Variants in CLSPN observed in about 807,000 individuals in gnomAD.
CLSPN encodes claspin, also known as claspin homolog.
CLSPN carries 85 observed loss-of-function variants against 156.3 expected under a neutral mutation model. The ratio of observed to expected loss-of-function variants is 0.54; its 90% CI spans 0.46 to 0.65. The LOEUF (loss-of-function observed/expected upper bound fraction) is 0.65. CLSPN is among the 30% of genes least tolerant of loss of function. The pLI, the probability that CLSPN is intolerant of heterozygous loss-of-function variation, is 0.00. For missense variants in CLSPN, 1,407 were observed against 1,554.9 expected (o/e 0.90, Z 1.60); for synonymous variants, 534 against 542.4 (o/e 0.98, Z 0.22).
chr1:35,729,764 G>GCT (rs1336673857), downstream of CLSPN, among the ~76,000 whole-genome samples: 6 of 152,186 alleles, frequency 3.9e-5, 1 homozygote, highest in African/African-American at 1.4e-4. Flanking sequence ...TTCCCACTCA[G>GCT]CTCTACCCAT....
chr1:35,751,573 C>T, intron 9 of CLSPN, 67 bp from the exon 10 acceptor site: 1 of 1,530,358 alleles, frequency 6.5e-7, no homozygotes, highest in Non-Finnish European at 8.7e-7. Flanking sequence ...TTAGGCAACT[C>T]CAGAAATATT....
At chr1:35,741,393 A>G (rs532956368) in intron 18 of CLSPN, among the ~76,000 whole-genome samples, 1 of 152,222 alleles carries the variant, frequency 6.6e-6, no homozygotes, top group African/African-American at 2.4e-5. Flanking sequence ...ATCTCAGCTC[A>G]CTGCACCCTC....
intron 8 of CLSPN, among the ~76,000 whole-genome samples, chr1:35,757,856 G>A (rs532570102): frequency 1.3e-5 from 2 of 152,162 alleles, no homozygotes; most frequent in Non-Finnish European, 2.9e-5. Flanking sequence ...ACCATGCAGA[G>A]TTCTTTCTGT....
intron 18 of CLSPN, among the ~76,000 whole-genome samples, chr1:35,742,571 G>T (rs1325294542): frequency 1.3e-5 from 2 of 151,778 alleles, no homozygotes; most frequent in African/African-American, 4.8e-5. Flanking sequence ...AGTAGAGAGG[G>T]TTTCACCATG....
rs534927658 is a variant in CLSPN, at chr1:35,746,954, G to T, written c.2666C>A (p.Ala889Asp). The T allele has an allele frequency of 3.7e-5, 60 of 1,614,120 alleles. No homozygotes were observed. In the Middle Eastern group the frequency reaches 8.2e-4, roughly 22 times the overall value. ...NVRNHRNQYQ[A>D]LKPRLPLASM... ...GGCCAATGGCAATCGAGGCTTCAAA[G>T]CTTGGTACTGATTCCTGTGGTTTCT... The change falls in exon 15 of 25, where the codon GCT becomes GAT. Residue 889 changes from alanine to aspartate, a missense_variant. By Grantham distance (126) the Ala-to-Asp change is moderately radical (BLOSUM62 -2). This residue lies in a region of CLSPN where 1,096 missense variants were observed against 1,193.0 expected (regional missense o/e 0.92). Transcript: ENST00000318121. The surrounding 1 kb of genome is among the most constrained non-coding windows in gnomAD (Gnocchi z 4.2).
At chr1:35,745,097 T>C (rs1250222985) in intron 16 of CLSPN, among the ~76,000 whole-genome samples, 1 of 152,188 alleles carries the variant, frequency 6.6e-6, no homozygotes, top group East Asian at 1.9e-4. Flanking sequence ...GGAGCCATCA[T>C]ACTTTCCCTG....
In CLSPN at chr1:35,753,700, A is replaced by G. The variant is rs560435478; in HGVS notation, c.1771+45T>C. On this transcript the variant is annotated intron_variant, in intron 9 of 24. Coordinates refer to ENST00000318121, the MANE Select transcript of CLSPN (RefSeq NM_022111.4). The stretch of plus-strand genomic sequence containing the variant: ...TTCAATAGCCTTGAAGATCTGTTAG[A>G]ATACAAAGCAAAAAGCAAAAAACAA... 745 of 1,556,304 alleles carry G rather than the reference A, an allele frequency of 4.8e-4. 8 individuals carry two copies. The South Asian group carries it at 7.2e-3, about 15-fold the overall frequency.
chr1:35,748,018 G>T lies in CLSPN; in HGVS notation c.2516C>A (p.Ser839Tyr), dbSNP rs1460510381. 3 of 1,614,160 alleles carry T rather than the reference G, an allele frequency of 1.9e-6. No individual in the cohort carries two copies. Among genetic ancestry groups the T allele is most frequent in the Non-Finnish European group, 2.5e-6 (3 of 1,180,024 alleles). The change falls in exon 14 of 25, where the codon TCC (serine) becomes TAC (tyrosine). Residue 839 changes from serine to tyrosine, a missense_variant. Coordinates refer to ENST00000318121, the MANE Select transcript of CLSPN (RefSeq NM_022111.4). The stretch of plus-strand genomic sequence containing the variant: ...TGGGGAGGCGTTATACAGATCCTGG[G>T]AATCCTCTATGGGAAGTGAAGGCTC... Reference protein sequence around the residue: ...LSEPSLPIEDSQDLYNASPEP... With the variant: ...LSEPSLPIEDYQDLYNASPEP...
rs539571350 is a variant in CLSPN at position 35,733,800 on chromosome 1, A to T, written c.*2696T>A. On this transcript the variant is annotated 3_prime_UTR_variant, in exon 25 of 25. Coordinates refer to ENST00000318121, the MANE Select transcript of CLSPN (RefSeq NM_022111.4). ...CAAGATCAGCTGGGGCAACACAGCA[A>T]GACCCTGTCTCTACTAAAATAAAAT... The T allele has an allele frequency of 1.6e-6, 1 of 614,730 alleles. No homozygotes were observed. Among genetic ancestry groups the T allele is most frequent in the East Asian group, 1.5e-4 (1 of 6,886 alleles). The allele number at this position is 614,730 out of a possible 1,614,324, so 38.1% of individuals were successfully genotyped here.
Position 35,732,314 on chromosome 1 carries a change from AGAGT to A in CLSPN, c.*4178_*4181del. On this transcript the variant is annotated 3_prime_UTR_variant, in exon 25 of 25. Transcript: ENST00000318121. ...ACAAATCCCAGGACAGGATGCCACAAGAGTGATTAGACATAACCCTAGGAGATAA... is the reference window on the plus strand; with the variant it reads ...ACAAATCCCAGGACAGGATGCCACAAGATTAGACATAACCCTAGGAGATAA... The A allele has an allele frequency of 1.5e-5, 15 of 985,434 alleles. No individual in the cohort carries two copies. Among genetic ancestry groups the A allele is most frequent in the Non-Finnish European group, 1.7e-5 (14 of 829,936 alleles). 61.0% of individuals were successfully genotyped at this position (985,434 alleles called of 1,614,324 possible). A position where few individuals can be genotyped will look rare whatever the true frequency, so the allele number is the denominator to read the frequency against.
chr1:35,731,102 G>A (rs1443101080), downstream of CLSPN, among the ~76,000 whole-genome samples: 3 of 151,440 alleles, frequency 2.0e-5, no homozygotes, highest in Non-Finnish European at 2.9e-5. Flanking sequence ...TGGGAGGCTG[G>A]GGCAGGAGAA....
intron 8 of CLSPN, among the ~76,000 whole-genome samples, chr1:35,759,922 C>T (rs1642416093): frequency 6.6e-6 from 1 of 151,270 alleles, no homozygotes; most frequent in African/African-American, 2.4e-5. Flanking sequence ...CAACCTCTGC[C>T]TTCTGGGTTC....
At chr1:35,721,034 G>A in intron 24 of CLSPN, 3 of 1,260,802 alleles carry the variant, frequency 2.4e-6, no homozygotes, top group South Asian at 2.6e-5. Flanking sequence ...ATGAGAGATA[G>A]TTCTGATAAT....
Position 35,738,441 on chromosome 1 carries a change from A to C in CLSPN, c.3558+14T>G. The stretch of plus-strand genomic sequence containing the variant: ...CAGTCTCATAAACTAGGGTCAGAGT[A>C]GGTGAACTCCTACCATGTCCCGAAG... On this transcript the variant is annotated intron_variant, in intron 21 of 24. Coordinates refer to ENST00000318121, the MANE Select transcript of CLSPN (RefSeq NM_022111.4). 6.2e-7 allele frequency: 1 copy of C among 1,613,250 alleles called. No homozygotes were observed. The highest frequency in any genetic ancestry group is 8.5e-7 in the Non-Finnish European group (1 of 1,179,392).
At chr1:35,752,020 A>G (rs559093141) in intron 9 of CLSPN, among the ~76,000 whole-genome samples, 96 of 152,206 alleles carry the variant, frequency 6.3e-4, no homozygotes, top group Non-Finnish European at 1.2e-3. Flanking sequence ...ATACCTATTG[A>G]GAGGAAACAG....
At position 35,736,956 on chromosome 1, in the gene CLSPN, A is replaced by G; in HGVS notation, c.3867T>C (p.Ser1289=). The part of the protein sequence containing the change: ...NSRNFVFHTL[S]PVKAEAAKES... The stretch of plus-strand genomic sequence containing the variant: ...CCTTTGCCGCCTCAGCCTTGACAGG[A>G]GAAAGTGTATGAAAGACAAAGTTTC... The change falls in exon 24 of 25, where the codon TCT becomes TCC. Residue 1289 remains serine (S), a synonymous_variant. Transcript: ENST00000318121. The G allele has an allele frequency of 6.2e-7, 1 of 1,614,176 alleles. No individual in the cohort carries two copies. The highest frequency in any genetic ancestry group is 1.1e-5 in the South Asian group (1 of 91,084).
In CLSPN at chr1:35,732,339, G is replaced by A. The variant is rs190645289; in HGVS notation, c.*4157C>T. ...AGAGTGATTAGACATAACCCTAGGA[G>A]ATAAAAACCAAAAACACCCCCTAAA... On this transcript the variant is annotated 3_prime_UTR_variant, in exon 25 of 25. Transcript: ENST00000318121. The A allele has an allele frequency of 7.4e-4, 731 of 985,340 alleles. 1 individual carries two copies. The highest frequency in any genetic ancestry group is 8.5e-4 in the Non-Finnish European group (702 of 829,900). 61.0% of individuals were successfully genotyped at this position (985,340 alleles called of 1,614,324 possible).
In CLSPN at chr1:35,760,201, T is replaced by G; in HGVS notation, c.1579+141A>C. ...TGCCAAATTTCTCTAAAAAAGACTC[T>G]GCCCATATCTGGAACAACTGCAGGA... On this transcript the variant is annotated intron_variant, in intron 8 of 24. Transcript: ENST00000318121. 4 of 638,614 alleles carry G rather than the reference T, an allele frequency of 6.3e-6. No homozygotes were observed. In the South Asian group the frequency reaches 6.9e-5, roughly 11 times the overall value. The allele number at this position is 638,614 out of a possible 1,614,324, so 39.6% of individuals were successfully genotyped here.
rs753983484 is a variant in CLSPN at position 35,748,472 on chromosome 1, G to C, written c.2405C>G (p.Thr802Arg). 6.2e-7 allele frequency: 1 copy of C among 1,614,164 alleles called. No individual in the cohort carries two copies. The highest frequency in any genetic ancestry group is 1.7e-5 in the Admixed American group (1 of 60,018). The stretch of plus-strand genomic sequence containing the variant: ...GGAAGGAGATCTGAATCCTCCTGCT[G>C]TAGGGAAAAAACTGGTCCCACGGCC... ...QTGRGTSFFP[T>R]AGGFRSPSPG... The change falls in exon 13 of 25, where the codon ACA becomes AGA. Residue 802 changes from threonine (T) to arginine (R), a missense_variant. Thr to Arg is a moderately conservative substitution (Grantham distance 71). Transcript: ENST00000318121.
Sources: allele counts gnomAD v4.1 joint callset (sites outside exome capture counted in the v4.1 genomes callset), GRCh38; gene constraint gnomAD v4.1.1; regional missense constraint gnomAD v4.1.1; non-coding constraint Gnocchi (gnomAD v3.1); transcripts MANE v1.5; gene names NCBI Gene and HGNC (gene_info 2026-07-23, HGNC 2026-07-21).